The following SYT14 variants were observed in gnomAD, a reference collection of about 807,000 sequenced individuals.
SYT14 encodes the protein synaptotagmin-14.
Under a neutral mutation model 74.2 loss-of-function variants are expected in SYT14, and 32 were observed. That is an observed-to-expected ratio of 0.43 (90% CI 0.33 to 0.58). SYT14 has a LOEUF of 0.58. Ranked by LOEUF, SYT14 falls within the 20% of genes least tolerant of loss-of-function variation. SYT14 has a pLI of 0.05. For synonymous variants in SYT14, 298 were observed against 337.7 expected (o/e 0.88, Z 1.29); for missense variants, 791 against 981.8 (o/e 0.81, Z 2.60).
intron 2 of SYT14, among the ~76,000 whole-genome samples, chr1:210,001,564 C>T (rs80254585): frequency 4.6e-5 from 7 of 152,058 alleles, no homozygotes; most frequent in South Asian, 4.1e-4. Flanking sequence ...CCTTTTGAAG[C>T]GTACATGCTA....
exon 10 of SYT14, chr1:210,163,906 G>A: frequency 2.2e-6 from 1 of 453,570 alleles, no homozygotes; most frequent in Non-Finnish European, 4.4e-6. Flanking sequence ...TGTTGGCTCA[G>A]AAACCTGAAA....
intron 6 of SYT14, among the ~76,000 whole-genome samples, chr1:210,096,329 G>A (rs1229277637): frequency 1.3e-5 from 2 of 152,188 alleles, no homozygotes; most frequent in Non-Finnish European, 2.9e-5. Flanking sequence ...TCTCTCAGAG[G>A]AGTAAAGGAC....
chr1:210,013,495 G>T, intron 2 of SYT14, 138 bp from the exon 3 acceptor site: 1 of 827,374 alleles, frequency 1.2e-6, no homozygotes. Context: ...TCTTATAAAC[G>T]AAACTGTTTT....
chr1:209,994,318 A>G (rs1436104176), intron 2 of SYT14, among the ~76,000 whole-genome samples: 5 of 152,208 alleles, frequency 3.3e-5, no homozygotes, highest in Non-Finnish European at 5.9e-5. Flanking sequence ...TCTAGACCTG[A>G]AGAACTCACT....
At chr1:210,044,891 G>A (rs893184103) in intron 5 of SYT14, among the ~76,000 whole-genome samples, 3 of 152,164 alleles carry the variant, frequency 2.0e-5, no homozygotes, top group Non-Finnish European at 4.4e-5. Flanking sequence ...ATGGGAGCAA[G>A]ACAGTGAGTT....
chr1:210,019,856 C>G (rs777833901), intron 4 of SYT14, among the ~76,000 whole-genome samples: 1 of 152,112 alleles, frequency 6.6e-6, no homozygotes, highest in Non-Finnish European at 1.5e-5. Flanking sequence ...AAAGTTACAC[C>G]ATTGTGCAGT....
intron 1 of SYT14, among the ~76,000 whole-genome samples, chr1:209,939,883 T>G (rs1572039788): frequency 6.6e-6 from 1 of 152,226 alleles, no homozygotes; most frequent in South Asian, 2.1e-4. Flanking sequence ...TAGTTCTTCC[T>G]TTCTTTCTAC....
chr1:210,155,803 T>C, exon 8 of SYT14: 1 of 1,614,156 alleles, frequency 6.2e-7, no homozygotes. Context: ...CATGGCTCAG[T>C]TCCAGAAATT....
At chr1:210,095,505 C>T (rs1262610314) in intron 6 of SYT14, among the ~76,000 whole-genome samples, 1 of 152,194 alleles carries the variant, frequency 6.6e-6, no homozygotes, top group Non-Finnish European at 1.5e-5. Flanking sequence ...CTTCCTGCTT[C>T]AGCCTCCCAA....
At chr1:210,136,587 A>G (rs1362530954) in intron 7 of SYT14, among the ~76,000 whole-genome samples, 1 of 152,192 alleles carries the variant, frequency 6.6e-6, no homozygotes, top group Non-Finnish European at 1.5e-5. Context: ...GGAAGAAGTA[A>G]GGACAAGAAG....
chr1:210,078,309 C>CAAA (rs59924487), intron 5 of SYT14, among the ~76,000 whole-genome samples: 2 of 72,054 alleles, frequency 2.8e-5, no homozygotes, highest in Non-Finnish European at 5.2e-5. Flanking sequence ...GACTCCGTCT[C>CAAA]AAAAAAAAAA....
intron 3 of SYT14, among the ~76,000 whole-genome samples, chr1:210,014,764 T>G (rs1200839200): frequency 6.6e-6 from 1 of 152,124 alleles, no homozygotes; most frequent in Admixed American, 6.5e-5. Flanking sequence ...TCCACTCCAG[T>G]TCTGCTTTTT....
At chr1:209,950,380 T>C (rs1229599990) in intron 1 of SYT14, among the ~76,000 whole-genome samples, 1 of 152,192 alleles carries the variant, frequency 6.6e-6, no homozygotes, top group Non-Finnish European at 1.5e-5. Flanking sequence ...TTGGTAAATA[T>C]CCAGTCATTG....
chr1:209,974,594 A>G (rs1276129308), intron 2 of SYT14, among the ~76,000 whole-genome samples: 1 of 152,246 alleles, frequency 6.6e-6, no homozygotes, highest in Non-Finnish European at 1.5e-5. Flanking sequence ...TACCAGTACC[A>G]TGCTGTTTTG....
intron 5 of SYT14, among the ~76,000 whole-genome samples, chr1:210,081,604 C>T (rs899569151): frequency 3.3e-5 from 5 of 152,102 alleles, no homozygotes; most frequent in African/African-American, 7.2e-5. Flanking sequence ...TGTAGGGTTG[C>T]CACAGACCTT....
chr1:209,952,515 A>G (rs1572058839), intron 1 of SYT14, among the ~76,000 whole-genome samples, 194 bp from the exon 2 acceptor site: 1 of 152,202 alleles, frequency 6.6e-6, no homozygotes, highest in East Asian at 1.9e-4. Context: ...GAGACTTCCT[A>G]AGACCTAATT....
At chr1:210,048,837 T>C (rs2080935140) in intron 5 of SYT14, among the ~76,000 whole-genome samples, 1 of 152,186 alleles carries the variant, frequency 6.6e-6, no homozygotes, top group Non-Finnish European at 1.5e-5. Context: ...AAAAGCAAGT[T>C]AGTTACTTCC....
At chr1:209,983,325 TCTC>T (rs2079520508) in intron 2 of SYT14, among the ~76,000 whole-genome samples, 1 of 152,194 alleles carries the variant, frequency 6.6e-6, no homozygotes, top group Non-Finnish European at 1.5e-5. Context: ...TCCTTTTGGT[TCTC>T]CTATGATACA....
chr1:210,116,613 T>C (rs371963508), intron 7 of SYT14, among the ~76,000 whole-genome samples: 12 of 152,200 alleles, frequency 7.9e-5, no homozygotes, highest in East Asian at 3.8e-4. Context: ...TCCCAAAGTA[T>C]TGGGATTACA....
Sources: gnomAD v4.1 joint callset for allele counts (sites outside exome capture counted in the v4.1 genomes callset) on GRCh38, gnomAD v4.1.1 for gene constraint, MANE v1.5 for transcripts, NCBI Gene and HGNC (gene_info 2026-07-23, HGNC 2026-07-21) for gene names.